Variants in TBC1D12 observed in about 807,000 individuals in gnomAD.
TBC1D12 encodes TBC1 domain family, member 12.
TBC1D12 carries 56 observed loss-of-function variants against 86.7 expected under a neutral mutation model. The ratio of observed to expected loss-of-function variants is 0.65; its 90% confidence interval spans 0.52 to 0.81. TBC1D12 has a LOEUF of 0.81. Among genes scored for constraint, TBC1D12 ranks in the 30% least tolerant of loss-of-function variants. The pLI is 0.00. For missense variants in TBC1D12, 1,023 were observed against 1,038.8 expected (o/e 0.98, Z 0.21); for synonymous variants, 421 against 411.7 (o/e 1.02, Z -0.27).
At chr10:94,417,830 G>T (rs1263021241) in intron 1 of TBC1D12, among the ~76,000 whole-genome samples, 1 of 150,246 alleles carries the variant, frequency 6.7e-6, no homozygotes, top group Non-Finnish European at 1.5e-5. Context: ...CTCACTGCAA[G>T]CTCCACCTCC....
At chr10:94,459,643 G>C (rs146904141) in intron 2 of TBC1D12, among the ~76,000 whole-genome samples, 6 of 152,218 alleles carry the variant, frequency 3.9e-5, no homozygotes, top group East Asian at 1.9e-4. Context: ...GCCCTGCCCC[G>C]TGGGGAGGTG....
At chr10:94,518,932 A>G (rs1842071293) in intron 9 of TBC1D12, among the ~76,000 whole-genome samples, 1 of 152,084 alleles carries the variant, frequency 6.6e-6, no homozygotes, top group African/African-American at 2.4e-5. Flanking sequence ...AAAATTAGCC[A>G]GGCGTGGTGG....
chr10:94,470,409 G>A (rs1017004267), intron 2 of TBC1D12, among the ~76,000 whole-genome samples: 2 of 152,040 alleles, frequency 1.3e-5, no homozygotes, highest in Non-Finnish European at 2.9e-5. Flanking sequence ...CTGTCACCCA[G>A]GCTGGAGTGC....
chr10:94,500,621 T>A (rs7083898), intron 6 of TBC1D12, among the ~76,000 whole-genome samples: 66,976 of 152,022 alleles, frequency 0.44, 15,014 homozygotes, highest in East Asian at 0.73. Flanking sequence ...GTGGATAATA[T>A]GTATATACAA....
chr10:94,482,546 G>A (rs1414668798), intron 3 of TBC1D12, among the ~76,000 whole-genome samples: 1 of 151,846 alleles, frequency 6.6e-6, no homozygotes, highest in Non-Finnish European at 1.5e-5. Flanking sequence ...TGCCTCCCAG[G>A]TTCAAGCAAT....
At chr10:94,412,370 G>A (rs1434154452) in intron 1 of TBC1D12, among the ~76,000 whole-genome samples, 4 of 152,202 alleles carry the variant, frequency 2.6e-5, no homozygotes, top group African/African-American at 9.6e-5. Flanking sequence ...TTTGTGTCCT[G>A]TCTGGGGAAA....
At chr10:94,464,987 C>G (rs2055785060) in intron 2 of TBC1D12, among the ~76,000 whole-genome samples, 1 of 152,136 alleles carries the variant, frequency 6.6e-6, no homozygotes. Context: ...TGAAGAAAAT[C>G]TCACAGTTAT....
intron 11 of TBC1D12, among the ~76,000 whole-genome samples, chr10:94,528,751 G>A (rs1842357479): frequency 6.6e-6 from 1 of 151,602 alleles, no homozygotes; most frequent in African/African-American, 2.4e-5. Context: ...GAACCCGGGA[G>A]GCAGAGGTTG....
intron 11 of TBC1D12, among the ~76,000 whole-genome samples, chr10:94,525,842 A>G (rs1481163918): frequency 6.6e-6 from 1 of 152,142 alleles, no homozygotes; most frequent in African/African-American, 2.4e-5. Context: ...ATAATTGTAC[A>G]TATCCATGGG....
intron 1 of TBC1D12, 22 bp from the exon 2 acceptor site, chr10:94,441,874 A>G: frequency 6.2e-7 from 1 of 1,603,876 alleles, no homozygotes; most frequent in Non-Finnish European, 8.5e-7. Flanking sequence ...AACACAATTC[A>G]TGTAACTTTT....
chr10:94,465,821 CAT>C (rs1416137623), intron 2 of TBC1D12, among the ~76,000 whole-genome samples: 14 of 150,934 alleles, frequency 9.3e-5, no homozygotes, highest in South Asian at 6.2e-4. Context: ...CATACATACA[CAT>C]ATACGTATAC....
intron 2 of TBC1D12, among the ~76,000 whole-genome samples, chr10:94,471,877 G>T (rs2055912623): frequency 6.6e-6 from 1 of 152,018 alleles, no homozygotes; most frequent in South Asian, 2.1e-4. Flanking sequence ...TACTAACTTT[G>T]GCCACAATAT....
intron 2 of TBC1D12, among the ~76,000 whole-genome samples, chr10:94,457,309 A>T (rs1029155327): frequency 6.6e-6 from 1 of 151,380 alleles, no homozygotes; most frequent in Non-Finnish European, 1.5e-5. Context: ...CCCTGTATCC[A>T]TGTGTTCTCA....
rs746686506 is a variant in TBC1D12 at position 94,519,409 on chromosome 10, A to T, written c.1762-2546A>T. Among the ~76,000 whole-genome samples, 8 of 152,022 alleles carry T rather than the reference A, an allele frequency of 5.3e-5. 1 individual carries two copies. Among genetic ancestry groups the T allele is most frequent in the Admixed American group, 5.2e-4 (8 of 15,262 alleles). Reference sequence around the variant, plus strand: ...TTAGTGGCTTTAAACACCACAAATTAGGCGAGGCGCAGTGGCTCATGCCTG... The same window carrying T: ...TTAGTGGCTTTAAACACCACAAATTTGGCGAGGCGCAGTGGCTCATGCCTG... On this transcript the variant is annotated intron_variant, in intron 9 of 12. Transcript: ENST00000225235.
Position 94,435,286 on chromosome 10 carries a change from A to G in TBC1D12, c.972-6610A>G, listed in dbSNP as rs1003126520. 2.6e-5 allele frequency among the ~76,000 whole-genome samples: 4 copies of G among 152,316 alleles called. No individual in the cohort carries two copies. The East Asian group carries it at 7.7e-4, about 29-fold the overall frequency. On this transcript the variant is annotated intron_variant, in intron 1 of 12. Coordinates refer to ENST00000225235, the MANE Select transcript of TBC1D12 (RefSeq NM_015188.2). ...AACTTTATGAGCTAGAAACAACTGT[A>G]TTTATATCATGTAAATATCAAAACA...
intron 12 of TBC1D12, among the ~76,000 whole-genome samples, chr10:94,532,809 C>T (rs1227358126): frequency 6.6e-6 from 1 of 151,848 alleles, no homozygotes; most frequent in African/African-American, 2.4e-5. Flanking sequence ...TGTTATGTTA[C>T]CAAATAGTAA....
chr10:94,530,096 G>A (rs915752747), intron 11 of TBC1D12, among the ~76,000 whole-genome samples: 4 of 152,026 alleles, frequency 2.6e-5, no homozygotes, highest in Non-Finnish European at 4.4e-5. Context: ...AATTATTTTG[G>A]CGAGGAAGCT....
In TBC1D12 at chr10:94,533,319, G is replaced by A; in HGVS notation, c.*223G>A. On this transcript the variant is annotated 3_prime_UTR_variant, in exon 13 of 13. Transcript: ENST00000225235. The stretch of plus-strand genomic sequence containing the variant: ...TTGTAGGTAGAGTCATTTTTCAAAG[G>A]AAAAAGTTTAAGTGGTGAGTTTATA... The A allele has an allele frequency of 3.0e-6, 1 of 328,520 alleles. No individual in the cohort carries two copies. The highest frequency in any genetic ancestry group is 8.2e-5 in the South Asian group (1 of 12,176). The allele number at this position is 328,520 out of a possible 1,614,324, so 20.4% of individuals were successfully genotyped here. A position where few individuals can be genotyped will look rare whatever the true frequency, so the allele number is the denominator to read the frequency against.
intron 1 of TBC1D12, among the ~76,000 whole-genome samples, chr10:94,427,900 G>A (rs937287636): frequency 6.7e-6 from 1 of 149,700 alleles, no homozygotes; most frequent in Non-Finnish European, 1.5e-5. Flanking sequence ...GGCATTGCCT[G>A]TAATTTATTT....
Sources: gnomAD v4.1 joint callset for allele counts (sites outside exome capture counted in the v4.1 genomes callset) on GRCh38, gnomAD v4.1.1 for gene constraint, MANE v1.5 for transcripts, NCBI Gene and HGNC (gene_info 2026-07-23, HGNC 2026-07-21) for gene names.